Variants in MBNL1 observed in about 807,000 individuals in gnomAD.
MBNL1 encodes the protein muscleblind-like protein 1.
In MBNL1, 8 loss-of-function variants were observed where a neutral mutation model predicts 42.2. The ratio of observed to expected loss-of-function variants is 0.19; its 90% CI spans 0.11 to 0.34. MBNL1 has a LOEUF of 0.34. MBNL1 is among the 10% of genes least tolerant of loss of function. The pLI is 1.00. For missense variants in MBNL1, 309 were observed against 495.3 expected, an observed-to-expected ratio of 0.62 and a Z score of 3.57; for synonymous variants, 169 against 173.9, an observed-to-expected ratio of 0.97 and a Z score of 0.22.
chr3:152,271,752 TAGAA>T (rs2042051952), intron 1 of MBNL1, among the ~76,000 whole-genome samples: 1 of 152,126 alleles, frequency 6.6e-6, no homozygotes, highest in African/African-American at 2.4e-5. Flanking sequence ...GAATGTGACA[TAGAA>T]AGATTTTAAA....
intron 2 of MBNL1, among the ~76,000 whole-genome samples, chr3:152,388,437 T>G (rs2097540011): frequency 1.3e-5 from 2 of 152,232 alleles, no homozygotes; most frequent in African/African-American, 4.8e-5. Context: ...AGTTATGGAT[T>G]TTAGCTTTTC....
chr3:152,294,989 G>C (rs528354066), intron 1 of MBNL1, among the ~76,000 whole-genome samples: 2 of 152,250 alleles, frequency 1.3e-5, no homozygotes, highest in South Asian at 4.1e-4. Flanking sequence ...TATAATTTGA[G>C]TTTGTTACCC....
At chr3:152,263,909 G>A (rs1388656233), upstream of MBNL1, 2 of 151,138 alleles carry the variant, frequency 1.3e-5, no homozygotes, top group African/African-American at 4.9e-5. Flanking sequence ...GTTCACCATT[G>A]GCTCTCTAGC....
chr3:152,378,973 C>T (rs1392614673), intron 2 of MBNL1, among the ~76,000 whole-genome samples: 1 of 152,132 alleles, frequency 6.6e-6, no homozygotes, highest in Non-Finnish European at 1.5e-5. Flanking sequence ...TCCTTGACCT[C>T]CCAAAGTGGT....
At position 152,331,177 on chromosome 3, in the gene MBNL1, C is replaced by T. The variant is rs75808499; in HGVS notation, c.174+30810C>T. Reference sequence around the variant, plus strand: ...CTCTTTTCATACTCACACAGACACTCCTTCCCCTACACACACACACATACA... The same window carrying T: ...CTCTTTTCATACTCACACAGACACTTCTTCCCCTACACACACACACATACA... On this transcript the variant is annotated intron_variant, in intron 2 of 9. Transcript: ENST00000324210. 8.9e-3 allele frequency among the ~76,000 whole-genome samples: 1,347 copies of T among 151,992 alleles called. 30 individuals carry two copies. The highest frequency in any genetic ancestry group is 0.031 in the African/African-American group (1,278 of 41,462).
intron 1 of MBNL1, among the ~76,000 whole-genome samples, chr3:152,272,167 G>C (rs2042316555): frequency 6.6e-6 from 1 of 152,028 alleles, no homozygotes; most frequent in East Asian, 1.9e-4. Context: ...TATTCTGGGA[G>C]AAAGCTTAAA....
chr3:152,389,870 T>A (rs759661063), intron 2 of MBNL1, among the ~76,000 whole-genome samples: 5 of 151,838 alleles, frequency 3.3e-5, no homozygotes, highest in Admixed American at 3.3e-4. Context: ...TAATGTAATT[T>A]ATTTATTTAT....
At chr3:152,362,901 G>A (rs2096081010) in intron 2 of MBNL1, among the ~76,000 whole-genome samples, 1 of 152,144 alleles carries the variant, frequency 6.6e-6, no homozygotes, top group South Asian at 2.1e-4. Context: ...ACTTTGCTAA[G>A]TACTCAAAGT....
chr3:152,293,822 A>C (rs943302324), intron 1 of MBNL1, among the ~76,000 whole-genome samples: 4 of 152,194 alleles, frequency 2.6e-5, no homozygotes, highest in African/African-American at 9.7e-5. Flanking sequence ...AACATATGTG[A>C]GCAAGAAATT....
At chr3:152,365,158 A>G (rs2096274128) in intron 2 of MBNL1, among the ~76,000 whole-genome samples, 1 of 152,086 alleles carries the variant, frequency 6.6e-6, no homozygotes. Context: ...TGAATTTAAC[A>G]CCTTTAACAT....
chr3:152,388,435 A>C (rs2097539899), intron 2 of MBNL1, among the ~76,000 whole-genome samples: 2 of 152,202 alleles, frequency 1.3e-5, no homozygotes, highest in South Asian at 4.1e-4. Flanking sequence ...GTAGTTATGG[A>C]TTTTAGCTTT....
chr3:152,247,707 T>C (rs2033440187), intron 2 of MBNL1, among the ~76,000 whole-genome samples: 1 of 152,042 alleles, frequency 6.6e-6, no homozygotes, highest in Admixed American at 6.6e-5. Context: ...TTAGATTTAA[T>C]GTTTTTAAAA....
chr3:152,432,588 A>C, intron 3 of MBNL1, 129 bp from the exon 4 acceptor site: 1 of 745,112 alleles, frequency 1.3e-6, no homozygotes, highest in Non-Finnish European at 2.3e-6. Context: ...AAATGAACAC[A>C]GGATTAAAGG....
At chr3:152,434,975 TC>T (rs2099058710) in intron 4 of MBNL1, among the ~76,000 whole-genome samples, 2 of 152,338 alleles carry the variant, frequency 1.3e-5, no homozygotes, top group Middle Eastern at 3.4e-3. Flanking sequence ...GTAAATATTT[TC>T]TCCCATTCTG....
chr3:152,334,954 A>G (rs1474112770), intron 2 of MBNL1, among the ~76,000 whole-genome samples: 1 of 152,120 alleles, frequency 6.6e-6, no homozygotes, highest in Non-Finnish European at 1.5e-5. Flanking sequence ...CGTACGGGCA[A>G]ACTCTCTGTA....
intron 2 of MBNL1, chr3:152,340,683 A>G (rs1207429451): frequency 6.2e-7 from 1 of 1,613,946 alleles, no homozygotes; most frequent in Non-Finnish European, 8.5e-7. Context: ...CATAATACCT[A>G]GCAAGATCCC....
chr3:152,327,868 G>A (rs374399366), intron 2 of MBNL1, among the ~76,000 whole-genome samples: 3 of 151,628 alleles, frequency 2.0e-5, no homozygotes, highest in African/African-American at 7.3e-5. Context: ...TAAAATAGTG[G>A]CCATAAAGGA....
intron 2 of MBNL1, among the ~76,000 whole-genome samples, chr3:152,403,889 G>A (rs909012252): frequency 1.3e-5 from 2 of 152,100 alleles, no homozygotes; most frequent in African/African-American, 4.8e-5. Flanking sequence ...GGGGGGTGGG[G>A]CAGGGAGGGG....
chr3:152,418,601 A>G (rs13092379), intron 3 of MBNL1, among the ~76,000 whole-genome samples: 20,379 of 144,174 alleles, frequency 0.14, 1,511 homozygotes, highest in Middle Eastern at 0.19. Context: ...GTGTCAGAAT[A>G]AGACCCTGTC....
Sources: allele counts gnomAD v4.1 joint callset (sites outside exome capture counted in the v4.1 genomes callset), GRCh38; gene constraint gnomAD v4.1.1; transcripts MANE v1.5; gene names NCBI Gene and HGNC (gene_info 2026-07-23, HGNC 2026-07-21).